CNTNAP4: variants seen among roughly 807,000 people sequenced by gnomAD.
The protein encoded by CNTNAP4 is contactin associated protein family member 4, also known as contactin-associated protein-like 4.
In CNTNAP4, 98 loss-of-function variants were observed where a neutral mutation model predicts 148.4. The observed-to-expected ratio is 0.66, with a 90% CI of 0.56 to 0.78. The LOEUF (loss-of-function observed/expected upper bound fraction) is 0.78. Ranked by LOEUF, CNTNAP4 falls within the 30% of genes least tolerant of loss-of-function variation. The pLI is 0.00. For missense variants in CNTNAP4, 1,935 were observed against 1,565.6 expected (o/e 1.24, Z -3.98); for synonymous variants, 730 against 565.1 (o/e 1.29, Z -4.14).
chr16:76,519,071 G>A (rs1268878470), intron 15 of CNTNAP4, among the ~76,000 whole-genome samples: 1 of 152,074 alleles, frequency 6.6e-6, no homozygotes, highest in South Asian at 2.1e-4. Flanking sequence ...GTAAAGGGCT[G>A]GGATACCACA....
intron 3 of CNTNAP4, among the ~76,000 whole-genome samples, chr16:76,386,563 A>G (rs1277281383): frequency 6.6e-6 from 1 of 152,142 alleles, no homozygotes; most frequent in Non-Finnish European, 1.5e-5. Context: ...TTACTGTCTT[A>G]TTTACGTTAA....
At chr16:76,400,896 A>G (rs556570263) in intron 3 of CNTNAP4, among the ~76,000 whole-genome samples, 9 of 152,092 alleles carry the variant, frequency 5.9e-5, no homozygotes, top group East Asian at 3.9e-4. Flanking sequence ...CCACTGGTCT[A>G]TGTGTCTGTT....
intron 12 of CNTNAP4, among the ~76,000 whole-genome samples, chr16:76,487,200 TCTGAATCAGATAAC>T (rs2082058187): frequency 6.6e-6 from 1 of 152,228 alleles, no homozygotes; most frequent in African/African-American, 2.4e-5. Flanking sequence ...CACCGCAGCA[TCTGAATCAGATAAC>T]CTAGGAGGTT....
In CNTNAP4 at chr16:76,460,605, C is replaced by CA. The variant is rs1448572810; in HGVS notation, c.1334-1343dup. On this transcript the variant is annotated intron_variant, in intron 8 of 23. Coordinates refer to ENST00000611870, the MANE Select transcript of CNTNAP4 (RefSeq NM_033401.5). ...TGAAACCCCGTCTCTACTAAAAATA[C>CA]AAAAAAAATTAGCCAGGCGTGGTGG... Among the ~76,000 whole-genome samples, 7 of 143,862 alleles carry CA rather than the reference C, an allele frequency of 4.9e-5. No homozygotes were observed. In the South Asian group the frequency reaches 1.4e-3, roughly 29 times the overall value. 94.4% of individuals were successfully genotyped at this position (143,862 alleles called of 152,430 possible). A position where few individuals can be genotyped will look rare whatever the true frequency, so the allele number is the denominator to read the frequency against.
At chr16:76,490,671 T>G (rs761187296) in intron 13 of CNTNAP4, among the ~76,000 whole-genome samples, 2 of 152,160 alleles carry the variant, frequency 1.3e-5, no homozygotes, top group African/African-American at 2.4e-5. Flanking sequence ...GCCCCCACTT[T>G]TAAGAAACAC....
At chr16:76,369,976 A>G (rs1159147089) in intron 3 of CNTNAP4, among the ~76,000 whole-genome samples, 2 of 152,176 alleles carry the variant, frequency 1.3e-5, no homozygotes, top group African/African-American at 2.4e-5. Flanking sequence ...TCAGTCTACC[A>G]ATTCAAATGC....
intron 13 of CNTNAP4, among the ~76,000 whole-genome samples, chr16:76,490,270 A>G (rs2082167246): frequency 6.6e-6 from 1 of 152,204 alleles, no homozygotes; most frequent in African/African-American, 2.4e-5. Flanking sequence ...TAGTTTTCTG[A>G]AAGCGATTAT....
chr16:76,422,806 G>T (rs2079236913), intron 3 of CNTNAP4, among the ~76,000 whole-genome samples: 1 of 152,170 alleles, frequency 6.6e-6, no homozygotes, highest in Admixed American at 6.6e-5. Context: ...TGCTATGTCT[G>T]ATGCTGAGCC....
At chr16:76,548,232 A>T (rs2084815172) in intron 21 of CNTNAP4, among the ~76,000 whole-genome samples, 1 of 149,800 alleles carries the variant, frequency 6.7e-6, no homozygotes, top group South Asian at 2.1e-4. Context: ...CCCTGGTGGA[A>T]TTGCATAAAA....
chr16:76,461,417 A>G (rs2080955984), intron 8 of CNTNAP4, among the ~76,000 whole-genome samples: 1 of 152,166 alleles, frequency 6.6e-6, no homozygotes, highest in Non-Finnish European at 1.5e-5. Context: ...TCAAATATCA[A>G]ATCTACAAAC....
rs765839299 is a variant in CNTNAP4 at position 76,522,205 on chromosome 16, C to T, written c.2703C>T (p.Pro901=). ...ATCAGCTGACACCAAAGACACAGCC[C>T]GCCCCCGCTGATGGGCATGTCCTGT... The part of the protein sequence containing the change: ...QVDQLTPKTQ[P]APADGHVLLQ... The change falls in exon 17 of 24, where the codon CCC becomes CCT. Residue 901 remains proline (P), a synonymous_variant. Transcript: ENST00000611870. 133 of 1,613,792 alleles carry T rather than the reference C, an allele frequency of 8.2e-5. No individual in the cohort carries two copies. The highest frequency in any genetic ancestry group is 3.1e-4 in the South Asian group (28 of 91,082).
intron 3 of CNTNAP4, among the ~76,000 whole-genome samples, chr16:76,359,120 G>C (rs1266709449): frequency 6.6e-6 from 1 of 152,098 alleles, no homozygotes; most frequent in Non-Finnish European, 1.5e-5. Flanking sequence ...ATTTCAAATT[G>C]ATGTACATCA....
intron 1 of CNTNAP4, among the ~76,000 whole-genome samples, chr16:76,278,881 C>G (rs1053017944): frequency 5.9e-5 from 9 of 152,190 alleles, no homozygotes; most frequent in African/African-American, 2.2e-4. Context: ...CTCACAGTAC[C>G]TGGCTCCCGT....
intron 2 of CNTNAP4, among the ~76,000 whole-genome samples, chr16:76,349,589 A>T (rs968866776): frequency 3.3e-5 from 5 of 152,186 alleles, no homozygotes; most frequent in Admixed American, 2.6e-4. Flanking sequence ...TTATGTCAAG[A>T]TGAAAATGAT....
chr16:76,495,911 A>G (rs957796422), intron 14 of CNTNAP4, among the ~76,000 whole-genome samples: 3 of 152,044 alleles, frequency 2.0e-5, no homozygotes, highest in Admixed American at 6.6e-5. Flanking sequence ...TTTGAATTAG[A>G]TAATATTTCA....
intron 13 of CNTNAP4, among the ~76,000 whole-genome samples, chr16:76,493,106 G>C (rs1311203394): frequency 6.6e-6 from 1 of 152,114 alleles, no homozygotes; most frequent in East Asian, 1.9e-4. Flanking sequence ...GATTCGTGTG[G>C]AATAGATTTG....
chr16:76,537,291 G>A (rs1423403054), intron 18 of CNTNAP4, among the ~76,000 whole-genome samples: 1 of 152,090 alleles, frequency 6.6e-6, no homozygotes, highest in Non-Finnish European at 1.5e-5. Context: ...AGATGTCAAG[G>A]GAGCCTAAAC....
chr16:76,307,693 T>G (rs931262736), intron 1 of CNTNAP4, among the ~76,000 whole-genome samples: 1 of 151,948 alleles, frequency 6.6e-6, no homozygotes, highest in Non-Finnish European at 1.5e-5. Context: ...CTCTTTACTT[T>G]CTAAAAAATT....
At chr16:76,521,758 C>A (rs2083461632) in intron 16 of CNTNAP4, among the ~76,000 whole-genome samples, 1 of 152,072 alleles carries the variant, frequency 6.6e-6, no homozygotes, top group African/African-American at 2.4e-5. Flanking sequence ...GGATAAATAG[C>A]TTTACTTTTT....
Sources: gnomAD v4.1 joint callset for allele counts (sites outside exome capture counted in the v4.1 genomes callset) on GRCh38, gnomAD v4.1.1 for gene constraint, MANE v1.5 for transcripts, NCBI Gene and HGNC (gene_info 2026-07-23, HGNC 2026-07-21) for gene names.